The following ACAD9 variants were observed in gnomAD, a reference collection of about 807,000 sequenced individuals.
The protein encoded by ACAD9 is complex I assembly factor ACAD9, mitochondrial.
ACAD9 carries 53 observed loss-of-function variants against 70.2 expected under a neutral mutation model. The observed-to-expected ratio is 0.75, with a 90% confidence interval of 0.61 to 0.95. The LOEUF (loss-of-function observed/expected upper bound fraction) is 0.95. ACAD9 is among the 40% of genes least tolerant of loss of function. The probability of loss-of-function intolerance (pLI) is 0.00; values close to 1 mark genes in which losing one functional copy is unlikely to be tolerated. For synonymous variants in ACAD9, 313 were observed against 312.1 expected (o/e 1.00, Z -0.03); for missense variants, 777 against 802.8 (o/e 0.97, Z 0.39).
intron 17 of ACAD9, among the ~76,000 whole-genome samples, chr3:128,911,154 T>A (rs974579882): frequency 2.0e-5 from 3 of 152,212 alleles, no homozygotes; most frequent in Admixed American, 6.5e-5. Flanking sequence ...CCTCTTGGGT[T>A]CAAGCGATTC....
intron 2 of ACAD9, among the ~76,000 whole-genome samples, chr3:128,885,202 G>A (rs1935210787): frequency 6.6e-6 from 1 of 152,178 alleles, no homozygotes; most frequent in Non-Finnish European, 1.5e-5. Context: ...GCACCTGCAT[G>A]GTGAGGCAGC....
rs138393976 is a variant in ACAD9 at position 128,880,202 on chromosome 3, C to T, written c.150+361C>T. 557 of 427,734 alleles carry T rather than the reference C, an allele frequency of 1.3e-3. 2 individuals are homozygous for T. Among genetic ancestry groups the T allele is most frequent in the African/African-American group, 0.011 (520 of 48,668 alleles). The allele number at this position is 427,734 out of a possible 1,614,324, so 26.5% of individuals were successfully genotyped here. A position where few individuals can be genotyped will look rare whatever the true frequency, so the allele number is the denominator to read the frequency against. ...ATTCCTAAACAGCTTACACCATGTCCCTCCTCAGTCACCTTCCAGCGCCCT... is the reference window on the plus strand; with the variant it reads ...ATTCCTAAACAGCTTACACCATGTCTCTCCTCAGTCACCTTCCAGCGCCCT... On this transcript the variant is annotated intron_variant, in intron 1 of 17. Coordinates refer to ENST00000308982, the MANE Select transcript of ACAD9 (RefSeq NM_014049.5).
chr3:128,899,476 T>A lies in ACAD9; in HGVS notation c.808+15T>A. The stretch of plus-strand genomic sequence containing the variant: ...GGGCTCCAACAGTAAGTAGCTCCTG[T>A]GCGCGCGTGCGCGTGTGTGTGTGTA... On this transcript the variant is annotated intron_variant, in intron 7 of 17. Transcript: ENST00000308982. The A allele has an allele frequency of 1.2e-6, 2 of 1,612,786 alleles. No individual in the cohort carries two copies. Among genetic ancestry groups the A allele is most frequent in the Non-Finnish European group, 1.7e-6 (2 of 1,179,294 alleles).
intron 16 of ACAD9, 112 bp from the exon 17 acceptor site, chr3:128,910,629 G>A: frequency 1.7e-6 from 2 of 1,165,754 alleles, no homozygotes. Flanking sequence ...CCTGTGCCAG[G>A]CCTTGTGACC....
At chr3:128,909,217 C>G in intron 14 of ACAD9, 118 bp downstream of exon 14, 1 of 1,595,148 alleles carries the variant, frequency 6.3e-7, no homozygotes, top group South Asian at 1.1e-5. Context: ...TGGGGAACAC[C>G]AGCTAGTCCA....
intron 15 of ACAD9, 67 bp downstream of exon 15, chr3:128,909,488 C>T (rs1009893574): frequency 8.7e-6 from 13 of 1,500,426 alleles, no homozygotes; most frequent in Non-Finnish European, 1.2e-5. Context: ...CATGAGACTA[C>T]TTTTTGTCAA....
chr3:128,895,162 C>T, intron 3 of ACAD9, 148 bp from the exon 4 acceptor site: 1 of 706,640 alleles, frequency 1.4e-6, no homozygotes, highest in Admixed American at 2.2e-5. Context: ...CAGGTGTGAG[C>T]CACCATGCCC....
At chr3:128,911,490 T>C (rs1030806418) in intron 17 of ACAD9, among the ~76,000 whole-genome samples, 10 of 152,214 alleles carry the variant, frequency 6.6e-5, no homozygotes, top group Admixed American at 5.2e-4. Flanking sequence ...CTGGCTGGAG[T>C]GCAGTGGCAT....
intron 13 of ACAD9, 125 bp downstream of exon 13, chr3:128,908,389 T>C (rs549130723): frequency 2.5e-6 from 3 of 1,181,310 alleles, no homozygotes; most frequent in Non-Finnish European, 2.5e-6. Context: ...GGCGCAGCCT[T>C]GTGGAGGGGA....
At chr3:128,910,464 C>T in intron 16 of ACAD9, 1 of 909,952 alleles carries the variant, frequency 1.1e-6, no homozygotes. Flanking sequence ...CCACTGTATA[C>T]CAGGATCTCT....
rs1473349918 is a variant in ACAD9, at chr3:128,910,058, C to T, written c.1601C>T (p.Ala534Val). The change falls in exon 16 of 18, where the codon GCC (alanine) becomes GTC (valine). Residue 534 changes from alanine (A) to valine (V), a missense_variant. Transcript: ENST00000308982. ...MEEQLVLKRVANILINLYGMT... is the reference protein window; with the variant it reads ...MEEQLVLKRVVNILINLYGMT... ...GAGCAGCTGGTACTGAAGCGGGTGGCCAACATCCTCATCAACCTGTATGGC... is the reference window on the plus strand; with the variant it reads ...GAGCAGCTGGTACTGAAGCGGGTGGTCAACATCCTCATCAACCTGTATGGC... 2.5e-6 allele frequency: 4 copies of T among 1,613,938 alleles called. No homozygotes were observed. In the Admixed American group the frequency reaches 6.7e-5, roughly 27 times the overall value.
rs2107657800 is a variant in ACAD9 at position 128,904,133 on chromosome 3, G to A, written c.1029+1G>A. The A allele has an allele frequency of 6.2e-7, 1 of 1,614,036 alleles. No homozygotes were observed. The highest frequency in any genetic ancestry group is 8.5e-7 in the Non-Finnish European group (1 of 1,179,872). ...GCTCAGTGAATTTGGATTGATTCAG[G>A]TACCAATGGTTGAGTACTGTATTTG... On this transcript the variant is annotated splice_donor_variant, in intron 10 of 17. Transcript: ENST00000308982. LOFTEE classifies it high-confidence loss of function.
intron 2 of ACAD9, among the ~76,000 whole-genome samples, chr3:128,887,765 A>C (rs529890892): frequency 3.3e-5 from 5 of 152,074 alleles, no homozygotes; most frequent in South Asian, 2.1e-4. Context: ...ATGTTCATTC[A>C]GCTGCCATGA....
chr3:128,891,036 G>T (rs549973194), intron 2 of ACAD9, among the ~76,000 whole-genome samples: 27 of 151,992 alleles, frequency 1.8e-4, no homozygotes, highest in African/African-American at 5.8e-4. Context: ...TAGAGACAGG[G>T]TTTCACTATA....
At chr3:128,885,262 G>A (rs536583883) in intron 2 of ACAD9, among the ~76,000 whole-genome samples, 1 of 152,360 alleles carries the variant, frequency 6.6e-6, no homozygotes, top group African/African-American at 2.4e-5. Flanking sequence ...CCTCCAGCCA[G>A]GGCCTTGGTG....
chr3:128,885,342 T>C (rs1357033011), intron 2 of ACAD9, among the ~76,000 whole-genome samples: 1 of 152,250 alleles, frequency 6.6e-6, no homozygotes, highest in Non-Finnish European at 1.5e-5. Context: ...CTTTTGTTTA[T>C]ATGAATTTTA....
rs752173909 is a variant in ACAD9, at chr3:128,902,569, T to G, written c.899T>G (p.Leu300Arg). ...GDGFKVAMNILNSGRFSMGSV... is the reference protein window; with the variant it reads ...GDGFKVAMNIRNSGRFSMGSV... ...TCCCTGCAGGTGGCCATGAACATCC[T>G]CAACAGCGGCCGGTTCAGCATGGGC... is the stretch of plus-strand genomic sequence containing the variant. The change falls in exon 9 of 18, where the codon CTC becomes CGC. Residue 300 changes from leucine to arginine, a missense_variant. Coordinates refer to ENST00000308982, the MANE Select transcript of ACAD9 (RefSeq NM_014049.5). This position sits in a 1 kb window ranked among gnomAD's most constrained non-coding sequence, Gnocchi z 4.0. 1.4e-5 allele frequency: 22 copies of G among 1,614,052 alleles called. No individual in the cohort carries two copies. The highest frequency in any genetic ancestry group is 1.9e-5 in the Non-Finnish European group (22 of 1,180,014).
At position 128,896,244 on chromosome 3, in the gene ACAD9, C is replaced by T. The variant is rs560699011; in HGVS notation, c.454-192C>T. Among the ~76,000 whole-genome samples, 3 of 152,402 alleles carry T rather than the reference C, an allele frequency of 2.0e-5. No homozygotes were observed. In the East Asian group the frequency reaches 5.8e-4, roughly 29 times the overall value. ...CTGTGGGTTGCACAGGCTCACGGCA[C>T]TGGCATGTGCGCCCTGACCGTCTCC... On this transcript the variant is annotated intron_variant, in intron 4 of 17. Transcript: ENST00000308982.
At chr3:128,892,580 G>C (rs1251324101) in intron 2 of ACAD9, among the ~76,000 whole-genome samples, 1 of 152,196 alleles carries the variant, frequency 6.6e-6, no homozygotes, top group African/African-American at 2.4e-5. Flanking sequence ...GCTCAGGCTG[G>C]AGTGCAGTGG....
Sources: gnomAD v4.1 joint callset for allele counts (sites outside exome capture counted in the v4.1 genomes callset) on GRCh38, gnomAD v4.1.1 for gene constraint, Gnocchi (gnomAD v3.1) non-coding constraint, MANE v1.5 for transcripts, NCBI Gene and HGNC (gene_info 2026-07-23, HGNC 2026-07-21) for gene names.